DPY30: variants seen among roughly 807,000 people sequenced by gnomAD.
DPY30 encodes protein dpy-30 homolog.
In DPY30, 6 loss-of-function variants were observed where a neutral mutation model predicts 16.2. That is an observed-to-expected ratio of 0.37 (90% CI 0.20 to 0.73). The LOEUF is 0.73. Ranked by LOEUF, DPY30 falls within the 30% of genes least tolerant of loss-of-function variation. The pLI is 0.51. For synonymous variants in DPY30, 39 were observed against 38.8 expected (o/e 1.00, Z -0.02); for missense variants, 73 against 113.1 (o/e 0.65, Z 1.61).
chr2:32,032,947 G>A (rs188488360), intron 3 of DPY30, among the ~76,000 whole-genome samples: 39 of 152,198 alleles, frequency 2.6e-4, no homozygotes, highest in Admixed American at 9.8e-4. Flanking sequence ...AGTGAGCCAA[G>A]ATTGCGCCAC....
At chr2:32,021,575 G>T (rs1441142638), downstream of DPY30, among the ~76,000 whole-genome samples, 2 of 150,396 alleles carry the variant, frequency 1.3e-5, no homozygotes, top group African/African-American at 2.4e-5. Context: ...CTACTGGGGG[G>T]TGCTGAGACA....
At chr2:32,027,213 T>C (rs1436283426) in intron 4 of DPY30, among the ~76,000 whole-genome samples, 1 of 147,660 alleles carries the variant, frequency 6.8e-6, no homozygotes, top group Non-Finnish European at 1.5e-5. Flanking sequence ...AGTCAGAGAC[T>C]GCAGTGACCT....
chr2:32,017,960 C>T (rs1323925169), intron 5 of DPY30, among the ~76,000 whole-genome samples: 1 of 152,150 alleles, frequency 6.6e-6, no homozygotes, highest in Non-Finnish European at 1.5e-5. Context: ...CTAGCTAGTC[C>T]ATGTCCACAA....
chr2:32,013,922 C>T (rs1159824913), intron 5 of DPY30, among the ~76,000 whole-genome samples: 1 of 152,004 alleles, frequency 6.6e-6, no homozygotes, highest in Non-Finnish European at 1.5e-5. Flanking sequence ...GCAGGAGAAT[C>T]GCTTGAACCT....
chr2:32,039,489 C>A lies in DPY30; in HGVS notation c.-33G>T. 1 of 1,613,992 alleles carries A rather than the reference C, an allele frequency of 6.2e-7. No homozygotes were observed. Among genetic ancestry groups the A allele is most frequent in the Non-Finnish European group, 8.5e-7 (1 of 1,180,012 alleles). On this transcript the variant is annotated 5_prime_UTR_variant, in exon 2 of 5. Transcript: ENST00000342166. ...CCTGCAAGTCACAGTCCCCGGATACCAGTCTTGGAAAACAAGAAGAGCCGC... is the reference window on the plus strand; with the variant it reads ...CCTGCAAGTCACAGTCCCCGGATACAAGTCTTGGAAAACAAGAAGAGCCGC...
downstream of DPY30, chr2:32,023,419 TACC>T (rs1675227452): frequency 2.1e-6 from 1 of 467,372 alleles, no homozygotes; most frequent in African/African-American, 2.0e-5. Flanking sequence ...CCCAAAAACT[TACC>T]AGCAGTGTTG....
In DPY30 at chr2:32,029,664, T is replaced by A. The variant is rs374288328; in HGVS notation, c.157A>T (p.Thr53Ser). ...ACTGTCTGATCCAGGTAGGCACGAG[T>A]TGGCAAAGACTGGAGATCTACCTTC... ...KQKVDLQSLP[T>S]RAYLDQTVVP... is the part of the protein sequence containing the mutation. The change falls in exon 4 of 5, where the codon ACT becomes TCT. Residue 53 changes from threonine to serine, a missense_variant. Thr to Ser is a moderately conservative substitution (Grantham distance 58, BLOSUM62 1). Transcript: ENST00000342166. 1 of 1,613,960 alleles carries A rather than the reference T, an allele frequency of 6.2e-7. No individual in the cohort carries two copies. The highest frequency in any genetic ancestry group is 8.5e-7 in the Non-Finnish European group (1 of 1,180,004).
chr2:32,016,874 T>A (rs973237777), intron 5 of DPY30, among the ~76,000 whole-genome samples: 3 of 152,126 alleles, frequency 2.0e-5, no homozygotes, highest in Admixed American at 2.0e-4. Context: ...CAAAATATAA[T>A]AGTTTCTTTT....
chr2:32,034,340 T>C (rs2148667551), intron 3 of DPY30, among the ~76,000 whole-genome samples: 1 of 152,272 alleles, frequency 6.6e-6, no homozygotes, highest in East Asian at 1.9e-4. Flanking sequence ...CATCTGCTTC[T>C]TGTGAGGGCT....
intron 5 of DPY30, chr2:32,013,397 G>A (rs1367272412): frequency 2.6e-5 from 4 of 152,122 alleles, no homozygotes; most frequent in African/African-American, 9.7e-5. Context: ...TTATCTCTAG[G>A]ATGCTCTCAA....
chr2:32,036,855 C>T (rs1350689792), intron 3 of DPY30, among the ~76,000 whole-genome samples: 1 of 151,662 alleles, frequency 6.6e-6, no homozygotes, highest in African/African-American at 2.4e-5. Context: ...GGAGACAGAG[C>T]GAGACTCTGT....
At chr2:32,031,513 C>G (rs1675539288) in intron 3 of DPY30, among the ~76,000 whole-genome samples, 1 of 152,134 alleles carries the variant, frequency 6.6e-6, no homozygotes, top group Non-Finnish European at 1.5e-5. Flanking sequence ...ACGAAAATCA[C>G]TTGTACCTGG....
intron 5 of DPY30, among the ~76,000 whole-genome samples, chr2:32,018,194 TCAGAGG>T (rs1246030389): frequency 1.3e-5 from 2 of 152,156 alleles, no homozygotes; most frequent in Admixed American, 1.3e-4. Context: ...AAAAAAACTG[TCAGAGG>T]CAGACAAGAT....
At position 32,023,947 on chromosome 2, in the gene DPY30, A is replaced by T; in HGVS notation, c.*237T>A. 1 of 1,390,232 alleles carries T rather than the reference A, an allele frequency of 7.2e-7. No homozygotes were observed. The highest frequency in any genetic ancestry group is 2.9e-5 in the East Asian group (1 of 33,968). The allele number at this position is 1,390,232 out of a possible 1,614,324, so 86.1% of individuals were successfully genotyped here. ...ATTTTGAAGGTCATTTTAAAAACAA[A>T]GTTAAAGACAATCTGAGAAAAAAAT... On this transcript the variant is annotated 3_prime_UTR_variant, in exon 5 of 5. Coordinates refer to ENST00000342166, the MANE Select transcript of DPY30 (RefSeq NM_001321209.2).
At chr2:32,039,208 A>G in intron 3 of DPY30, 71 bp downstream of exon 3, 1 of 1,598,602 alleles carries the variant, frequency 6.3e-7, no homozygotes, top group Non-Finnish European at 8.6e-7. Context: ...CCACCTAGTA[A>G]AAGCAGATCC....
intron 3 of DPY30, 124 bp downstream of exon 3, chr2:32,039,155 A>G: frequency 8.8e-7 from 1 of 1,134,248 alleles, no homozygotes. Flanking sequence ...CCATAACTTG[A>G]TACTATTCAG....
chr2:32,023,203 A>G (rs1466680298), downstream of DPY30, among the ~76,000 whole-genome samples: 1 of 152,070 alleles, frequency 6.6e-6, no homozygotes, highest in East Asian at 1.9e-4. Flanking sequence ...GGGAGAGATA[A>G]TCACTCATAT....
chr2:32,026,324 T>C (rs1425595907), intron 4 of DPY30, among the ~76,000 whole-genome samples: 1 of 152,116 alleles, frequency 6.6e-6, no homozygotes, highest in African/African-American at 2.4e-5. Flanking sequence ...GTGAGAGGAT[T>C]GCTTAAGCCC....
At chr2:32,028,092 TATAAGAA>T (rs879367260) in intron 4 of DPY30, among the ~76,000 whole-genome samples, 14 of 151,742 alleles carry the variant, frequency 9.2e-5, no homozygotes, top group Non-Finnish European at 1.6e-4. Context: ...TCACTTTTAC[TATAAGAA>T]ATGATATATT....
Sources: gnomAD v4.1 joint callset for allele counts (sites outside exome capture counted in the v4.1 genomes callset) on GRCh38, gnomAD v4.1.1 for gene constraint, MANE v1.5 for transcripts, NCBI Gene and HGNC (gene_info 2026-07-23, HGNC 2026-07-21) for gene names.